Variants in ZNRF3 observed in about 807,000 individuals in gnomAD.
The protein encoded by ZNRF3 is zinc and ring finger 3, also known as E3 ubiquitin-protein ligase ZNRF3.
Under a neutral mutation model 72.5 loss-of-function variants are expected in ZNRF3, and 23 were observed. The ratio of observed to expected loss-of-function variants is 0.32; its 90% CI spans 0.23 to 0.45. The LOEUF (loss-of-function observed/expected upper bound fraction) is 0.45, where lower values mean the gene tolerates loss of function less well. ZNRF3 is among the 20% of genes least tolerant of loss of function. The probability of loss-of-function intolerance (pLI) is 1.00; values close to 1 mark genes in which losing one functional copy is unlikely to be tolerated. For missense variants in ZNRF3, 1,169 were observed against 1,272.1 expected (o/e 0.92, Z 1.23); for synonymous variants, 610 against 545.3 (o/e 1.12, Z -1.65).
At chr22:28,984,826 C>T (rs1413604243) in intron 1 of ZNRF3, among the ~76,000 whole-genome samples, 4 of 152,234 alleles carry the variant, frequency 2.6e-5, no homozygotes, top group African/African-American at 4.8e-5. Flanking sequence ...GAATCCTGCA[C>T]GGGCACCCTG....
chr22:29,010,404 CTTG>C (rs920310063), intron 2 of ZNRF3, among the ~76,000 whole-genome samples: 7 of 152,098 alleles, frequency 4.6e-5, no homozygotes, highest in African/African-American at 1.7e-4. Flanking sequence ...AAGGTTCGCT[CTTG>C]TTGTAGCATG....
chr22:29,000,037 G>T (rs932089541), intron 2 of ZNRF3, among the ~76,000 whole-genome samples: 2 of 152,176 alleles, frequency 1.3e-5, no homozygotes, highest in Non-Finnish European at 2.9e-5. Flanking sequence ...TTGTGATGTT[G>T]TTTTCCAAAT....
intron 1 of ZNRF3, among the ~76,000 whole-genome samples, chr22:28,938,425 TGTGGAGTACTTAGC>T (rs1478016229): frequency 6.6e-6 from 1 of 152,202 alleles, no homozygotes; most frequent in Non-Finnish European, 1.5e-5. Flanking sequence ...TGCCCTCCTT[TGTGGAGTACTTAGC>T]GTATTCTAGG....
intron 1 of ZNRF3, among the ~76,000 whole-genome samples, chr22:28,906,969 T>TTTTC (rs1197665126): frequency 2.2e-4 from 33 of 151,942 alleles, no homozygotes; most frequent in Admixed American, 5.2e-4. Flanking sequence ...AGTCATTTTC[T>TTTTC]TTTCTTTCTT....
intron 2 of ZNRF3, among the ~76,000 whole-genome samples, chr22:29,017,236 G>C (rs2036453181): frequency 6.6e-6 from 1 of 152,190 alleles, no homozygotes; most frequent in Non-Finnish European, 1.5e-5. Flanking sequence ...TGAAAAATCA[G>C]AAGGTCTGGC....
chr22:29,046,923 T>C (rs891375115), intron 6 of ZNRF3, 40 bp downstream of exon 6: 1 of 1,473,856 alleles, frequency 6.8e-7, no homozygotes, highest in South Asian at 1.5e-5. Context: ...GGGGAAAACA[T>C]AGGCAGGTCA....
chr22:29,016,408 C>G (rs2036438994), intron 2 of ZNRF3, among the ~76,000 whole-genome samples: 1 of 137,274 alleles, frequency 7.3e-6, no homozygotes, highest in Admixed American at 7.6e-5. Flanking sequence ...AGAGGTTCTT[C>G]TAGAACCCAC....
intron 1 of ZNRF3, among the ~76,000 whole-genome samples, chr22:28,933,752 ACTCTCTCT>A (rs372627987): frequency 0.084 from 3,421 of 40,818 alleles, 161 homozygotes; most frequent in Middle Eastern, 0.18. Flanking sequence ...ACACACACTC[ACTCTCTCT>A]CTCTCTCTCT....
intron 1 of ZNRF3, among the ~76,000 whole-genome samples, chr22:28,927,228 C>G (rs1039541044): frequency 2.6e-5 from 4 of 152,120 alleles, no homozygotes; most frequent in Non-Finnish European, 4.4e-5. Context: ...GAAATGTTAA[C>G]GCTTTCATAG....
intron 2 of ZNRF3, among the ~76,000 whole-genome samples, chr22:29,009,905 C>CTTTTTTTTTTTTTTTTTTTTTTTTTTT (rs57028204): frequency 8.1e-6 from 1 of 123,568 alleles, no homozygotes. Context: ...ACTTTTTCCT[C>CTTTTTTTTTTTTTTTTTTTTTTTTTTT]TTTTTTTTTT....
At chr22:28,923,549 C>T (rs1277608501) in intron 1 of ZNRF3, among the ~76,000 whole-genome samples, 2 of 151,646 alleles carry the variant, frequency 1.3e-5, no homozygotes, top group East Asian at 3.9e-4. Context: ...CATGTAGACT[C>T]CAATAGATAG....
chr22:28,978,677 T>C (rs2035715249), intron 1 of ZNRF3, among the ~76,000 whole-genome samples: 1 of 152,188 alleles, frequency 6.6e-6, no homozygotes, highest in Admixed American at 6.5e-5. Flanking sequence ...TGGTTTATAA[T>C]AAAAAAGAGC....
At chr22:28,896,761 T>C (rs1212074974) in intron 1 of ZNRF3, among the ~76,000 whole-genome samples, 1 of 152,198 alleles carries the variant, frequency 6.6e-6, no homozygotes, top group Non-Finnish European at 1.5e-5. Context: ...CAAGCTTGAC[T>C]TGCAAAGCTA....
At chr22:29,042,398 C>A in intron 2 of ZNRF3, 97 bp from the exon 3 acceptor site, 2 of 958,678 alleles carry the variant, frequency 2.1e-6, no homozygotes, top group South Asian at 2.9e-5. Flanking sequence ...TGGTAACTGT[C>A]AGATTCTGCA....
chr22:28,896,854 C>T (rs1306474875), intron 1 of ZNRF3, among the ~76,000 whole-genome samples: 1 of 152,192 alleles, frequency 6.6e-6, no homozygotes, highest in African/African-American at 2.4e-5. Flanking sequence ...GCTTGCTCTG[C>T]CTCTTGCTGA....
intron 1 of ZNRF3, among the ~76,000 whole-genome samples, chr22:28,949,355 G>T (rs1461918397): frequency 6.6e-6 from 1 of 152,136 alleles, no homozygotes; most frequent in African/African-American, 2.4e-5. Flanking sequence ...GCTCACTGCA[G>T]CCTCTACCTC....
chr22:29,026,517 C>T (rs941412869), intron 2 of ZNRF3: 5 of 152,128 alleles, frequency 3.3e-5, no homozygotes, highest in Admixed American at 2.0e-4. Flanking sequence ...AGATTCTCAT[C>T]GTTCTCTATT....
rs756716817 is a variant in ZNRF3, at chr22:29,020,249, C to CT, written c.427-22222dup. ...CATGTTCAGTACAGACACAACCATC[C>CT]TTTTTTTTTTTTTTTTTTTTTTTTC... On this transcript the variant is annotated intron_variant, in intron 2 of 8. Coordinates refer to ENST00000544604, the MANE Select transcript of ZNRF3 (RefSeq NM_001206998.2). Among the ~76,000 whole-genome samples, 468 of 91,732 alleles carry CT rather than the reference C, an allele frequency of 5.1e-3. 4 individuals carry two copies. Among genetic ancestry groups the CT allele is most frequent in the Middle Eastern group, 0.023 (3 of 132 alleles). 60.2% of individuals were successfully genotyped at this position (91,732 alleles called of 152,430 possible). A position where few individuals can be genotyped will look rare whatever the true frequency, so the allele number is the denominator to read the frequency against.
intron 2 of ZNRF3, among the ~76,000 whole-genome samples, chr22:29,021,308 A>C (rs874915): frequency 0.44 from 66,253 of 151,946 alleles, 15,039 homozygotes; most frequent in Non-Finnish European, 0.5. Flanking sequence ...AGAAGGAGGT[A>C]TTATGTTGCT....
Sources: gnomAD v4.1 joint callset for allele counts (sites outside exome capture counted in the v4.1 genomes callset) on GRCh38, gnomAD v4.1.1 for gene constraint, MANE v1.5 for transcripts, NCBI Gene and HGNC (gene_info 2026-07-23, HGNC 2026-07-21) for gene names.